EMILIN2: variants seen among roughly 807,000 people sequenced by gnomAD.
The protein encoded by EMILIN2 is EMILIN-2.
Under a neutral mutation model 87.1 loss-of-function variants are expected in EMILIN2, and 71 were observed. That is an observed-to-expected ratio of 0.82 (90% CI 0.67 to 0.99). EMILIN2 has a LOEUF of 0.99. Ranked by LOEUF, EMILIN2 falls within the 50% of genes least tolerant of loss-of-function variation. The pLI is 0.00. For missense variants in EMILIN2, 1,407 were observed against 1,371.8 expected, an observed-to-expected ratio of 1.03 and a Z score of -0.40; for synonymous variants, 581 against 563.4, an observed-to-expected ratio of 1.03 and a Z score of -0.44.
At position 2,891,684 on chromosome 18, in the gene EMILIN2, A is replaced by C; in HGVS notation, c.1557A>C (p.Pro519=). ...TNNTGAELSP[P]GAAALPGVSG... is the part of the protein sequence containing the mutation. ...ACACTGGTGCAGAGCTCAGTCCCCCAGGGGCAGCAGCCCTGCCAGGAGTGT... is the reference window on the plus strand; with the variant it reads ...ACACTGGTGCAGAGCTCAGTCCCCCCGGGGCAGCAGCCCTGCCAGGAGTGT... The change falls in exon 4 of 8, where the codon CCA becomes CCC. Residue 519 remains proline, a synonymous_variant. Coordinates refer to ENST00000254528, the MANE Select transcript of EMILIN2 (RefSeq NM_032048.3). The surrounding 1 kb of genome is among the most constrained non-coding windows in gnomAD (Gnocchi z 4.6). 1 of 1,614,134 alleles carries C rather than the reference A, an allele frequency of 6.2e-7. No homozygotes were observed. The highest frequency in any genetic ancestry group is 8.5e-7 in the Non-Finnish European group (1 of 1,180,024).
At chr18:2,865,979 G>A (rs11874586) in intron 2 of EMILIN2, among the ~76,000 whole-genome samples, 4,829 of 152,318 alleles carry the variant, frequency 0.032, 275 homozygotes, top group African/African-American at 0.11. Flanking sequence ...AGCAATGAGC[G>A]AGGCTTCATG....
chr18:2,862,249 G>A, intron 2 of EMILIN2, among the ~76,000 whole-genome samples: 1 of 152,068 alleles, frequency 6.6e-6, no homozygotes. Flanking sequence ...TCATTGCCCT[G>A]GCCAGAACTT....
At position 2,880,754 on chromosome 18, in the gene EMILIN2, G is replaced by A. The variant is rs888151002; in HGVS notation, c.258-4210G>A. 4.6e-5 allele frequency among the ~76,000 whole-genome samples: 7 copies of A among 152,172 alleles called. No homozygotes were observed. The highest frequency in any genetic ancestry group is 1.7e-4 in the African/African-American group (7 of 41,420). On this transcript the variant is annotated intron_variant, in intron 2 of 7. Transcript: ENST00000254528. This position sits in a 1 kb window ranked among gnomAD's most constrained non-coding sequence, Gnocchi z 4.1. The stretch of plus-strand genomic sequence containing the variant: ...AGCCCGGGGCCCCTGGGGATGCTTG[G>A]GCCGCCTGTCTCTGTTTCATGTCCC...
At chr18:2,858,522 CATATATATATATATATATATATATAT>C (rs202158489) in intron 2 of EMILIN2, among the ~76,000 whole-genome samples, 14,860 of 45,932 alleles carry the variant, frequency 0.32, 2,427 homozygotes, top group East Asian at 0.63. Flanking sequence ...AGTATTCCAT[CATATATATATATATATATATATATAT>C]ATATATATAT....
At chr18:2,866,768 T>C (rs558944858) in intron 2 of EMILIN2, among the ~76,000 whole-genome samples, 1 of 152,324 alleles carries the variant, frequency 6.6e-6, no homozygotes, top group South Asian at 2.1e-4. Flanking sequence ...CATCCTTGTC[T>C]TATTCCAGTT....
Position 2,913,530 on chromosome 18 carries a change from T to A in EMILIN2, c.*126T>A, listed in dbSNP as rs1177906898. ...CCACATAGGCCCCAACATAAAGGCCTTCCCTCGCTGTTGAGGCCACCATGC... is the reference window on the plus strand; with the variant it reads ...CCACATAGGCCCCAACATAAAGGCCATCCCTCGCTGTTGAGGCCACCATGC... On this transcript the variant is annotated 3_prime_UTR_variant, in exon 8 of 8. Transcript: ENST00000254528. The A allele has an allele frequency of 1.2e-5, 9 of 750,888 alleles. No homozygotes were observed. The Middle Eastern group carries it at 1.9e-3, about 161-fold the overall frequency. 46.5% of individuals were successfully genotyped at this position (750,888 alleles called of 1,614,324 possible). A position where few individuals can be genotyped will look rare whatever the true frequency, so the allele number is the denominator to read the frequency against.
At chr18:2,899,500 C>T (rs1167417657) in intron 4 of EMILIN2, among the ~76,000 whole-genome samples, 1 of 152,168 alleles carries the variant, frequency 6.6e-6, no homozygotes, top group East Asian at 1.9e-4. Context: ...TTGTGAATTT[C>T]TTTCTTGCTA....
chr18:2,890,817 CCAGCA>C lies in EMILIN2; in HGVS notation c.692_696del (p.Gln231ProfsTer4). On this transcript the variant is annotated frameshift_variant, in exon 4 of 8. Coordinates refer to ENST00000254528, the MANE Select transcript of EMILIN2 (RefSeq NM_032048.3). LOFTEE classifies it high-confidence loss of function. This position sits in a 1 kb window ranked among gnomAD's most constrained non-coding sequence, Gnocchi z 4.7. ...GAACACGGGCACCAGGGCTCAGCAG[CCAGCA>C]CCCCAAGCCTGACACCACTGTTAGT... The C allele has an allele frequency of 6.2e-7, 1 of 1,613,678 alleles. No homozygotes were observed. Among genetic ancestry groups the C allele is most frequent in the Non-Finnish European group, 8.5e-7 (1 of 1,179,850 alleles).
rs551164645 is a variant in EMILIN2 at position 2,853,402 on chromosome 18, G to A, written c.257+5471G>A. On this transcript the variant is annotated intron_variant, in intron 2 of 7. Transcript: ENST00000254528. Reference sequence around the variant, plus strand: ...TCTCCGGAGCTGCTGTAAAAGTGCAGAGGTTCTGCCTTGGTCATGGGCTGG... The same window carrying A: ...TCTCCGGAGCTGCTGTAAAAGTGCAAAGGTTCTGCCTTGGTCATGGGCTGG... Among the ~76,000 whole-genome samples the A allele has an allele frequency of 2.9e-4, 44 of 152,308 alleles. No individual in the cohort carries two copies. In the South Asian group the frequency reaches 9.1e-3, roughly 32 times the overall value.
Position 2,892,028 on chromosome 18 carries a change from C to T in EMILIN2, c.1901C>T (p.Ala634Val). The change falls in exon 4 of 8, where the codon GCA becomes GTA. Residue 634 changes from alanine (A) to valine (V), a missense_variant. By Grantham distance (64) the Ala-to-Val change is moderately conservative. Coordinates refer to ENST00000254528, the MANE Select transcript of EMILIN2 (RefSeq NM_032048.3). ...HLQKEMSNCR[A>V]GENAGMGRFT... ...CAAAAGGAAATGAGCAATTGTAGAGCAGGTGAAAACGCTGGCATGGGTAGG... is the reference window on the plus strand; with the variant it reads ...CAAAAGGAAATGAGCAATTGTAGAGTAGGTGAAAACGCTGGCATGGGTAGG... 1.9e-6 allele frequency: 3 copies of T among 1,614,216 alleles called. No individual in the cohort carries two copies. The African/African-American group carries it at 4.0e-5, about 22-fold the overall frequency.
At chr18:2,867,911 T>C (rs1321508515) in intron 2 of EMILIN2, among the ~76,000 whole-genome samples, 1 of 149,714 alleles carries the variant, frequency 6.7e-6, no homozygotes, top group Non-Finnish European at 1.5e-5. Flanking sequence ...GGCTCCTCAC[T>C]TCCCAGTAGG....
At position 2,891,460 on chromosome 18, in the gene EMILIN2, G is replaced by C. The variant is rs1192207185; in HGVS notation, c.1333G>C (p.Asp445His). ...DRLIVPEPDVDFDAKWNELDA... is the reference protein window; with the variant it reads ...DRLIVPEPDVHFDAKWNELDA... ...CCTTATAGTTCCAGAGCCAGATGTG[G>C]ATTTTGATGCAAAATGGAATGAACT... The change falls in exon 4 of 8, where the codon GAT (aspartate) becomes CAT (histidine). Residue 445 changes from aspartate (D) to histidine (H), a missense_variant. Physicochemically the swap from Asp to His is moderately conservative, Grantham distance 81. Coordinates refer to ENST00000254528, the MANE Select transcript of EMILIN2 (RefSeq NM_032048.3). This position sits in a 1 kb window ranked among gnomAD's most constrained non-coding sequence, Gnocchi z 4.6. 1 of 1,614,094 alleles carries C rather than the reference G, an allele frequency of 6.2e-7. No individual in the cohort carries two copies. The highest frequency in any genetic ancestry group is 8.5e-7 in the Non-Finnish European group (1 of 1,180,046).
intron 2 of EMILIN2, among the ~76,000 whole-genome samples, chr18:2,854,986 C>G (rs2076619791): frequency 6.6e-6 from 1 of 152,196 alleles, no homozygotes; most frequent in South Asian, 2.1e-4. Context: ...AAAAGTTTCG[C>G]CATCAATTGG....
Position 2,906,927 on chromosome 18 carries a change from C to T in EMILIN2, c.2504C>T (p.Pro835Leu), listed in dbSNP as rs778180849. ...CCCCAGCGGCCCCCCGAGGAGAGGC[C>T]GCCCCAGCCGCCAGGCTCCACCGGG... The part of the protein sequence containing the change: ...VLPQRPPEER[P>L]PQPPGSTGVI... The change falls in exon 5 of 8, where the codon CCG (proline) becomes CTG (leucine). Residue 835 changes from proline to leucine, a missense_variant. Physicochemically the swap from Pro to Leu is moderately conservative, Grantham distance 98. Transcript: ENST00000254528. 2.9e-6 allele frequency: 4 copies of T among 1,396,144 alleles called. No homozygotes were observed. The highest frequency in any genetic ancestry group is 3.1e-5 in the South Asian group (2 of 65,330). The allele number at this position is 1,396,144 out of a possible 1,614,324, so 86.5% of individuals were successfully genotyped here. A position where few individuals can be genotyped will look rare whatever the true frequency, so the allele number is the denominator to read the frequency against.
At chr18:2,909,876 A>AGGGGT in intron 7 of EMILIN2, 57 bp downstream of exon 7, 1 of 1,580,844 alleles carries the variant, frequency 6.3e-7, no homozygotes, top group Non-Finnish European at 8.6e-7. Context: ...CGCAGGTGGG[A>AGGGGT]CCCCTCCCAC....
chr18:2,899,660 A>G (rs904146590), intron 4 of EMILIN2, among the ~76,000 whole-genome samples: 16 of 151,862 alleles, frequency 1.1e-4, no homozygotes, highest in African/African-American at 3.9e-4. Context: ...GCCCACCACC[A>G]CGACCCACTA....
intron 2 of EMILIN2, among the ~76,000 whole-genome samples, chr18:2,884,401 A>G (rs764561921): frequency 7.4e-6 from 1 of 135,004 alleles, no homozygotes; most frequent in Non-Finnish European, 1.7e-5. Context: ...ATGCGCCACA[A>G]CACCTGGCTA....
At chr18:2,889,348 G>A (rs932564419) in intron 3 of EMILIN2, among the ~76,000 whole-genome samples, 11 of 151,786 alleles carry the variant, frequency 7.2e-5, no homozygotes, top group African/African-American at 2.4e-4. Context: ...ATGTTGGCCA[G>A]GCTGGTCTTG....
chr18:2,869,410 C>G (rs1329000745), intron 2 of EMILIN2, among the ~76,000 whole-genome samples: 4 of 152,218 alleles, frequency 2.6e-5, no homozygotes, highest in Admixed American at 2.6e-4. Context: ...TTGCTAATCT[C>G]TCCCTCCAGT....
Sources: allele counts gnomAD v4.1 joint callset (sites outside exome capture counted in the v4.1 genomes callset), GRCh38; gene constraint gnomAD v4.1.1; non-coding constraint Gnocchi (gnomAD v3.1); transcripts MANE v1.5; gene names NCBI Gene and HGNC (gene_info 2026-07-23, HGNC 2026-07-21).